Variants in TRERF1 observed in about 807,000 individuals in gnomAD.
TRERF1 encodes transcriptional-regulating factor 1.
A neutral mutation model predicts 122.9 loss-of-function variants in TRERF1; 27 were observed. That is an observed-to-expected ratio of 0.22 (90% CI 0.16 to 0.30). TRERF1 has a LOEUF of 0.30. Among genes scored for constraint, TRERF1 ranks in the 10% least tolerant of loss-of-function variants. TRERF1 has a pLI of 1.00. For synonymous variants in TRERF1, 636 were observed against 641.7 expected (o/e 0.99, Z 0.13); for missense variants, 1,248 against 1,560.3 (o/e 0.80, Z 3.37).
intron 4 of TRERF1, among the ~76,000 whole-genome samples, chr6:42,295,062 C>T (rs1261514077): frequency 6.6e-6 from 1 of 152,142 alleles, no homozygotes; most frequent in Non-Finnish European, 1.5e-5. Context: ...TGCAAACAGG[C>T]TTGGCCACTC....
intron 1 of TRERF1, 116 bp from the exon 2 acceptor site, chr6:42,451,377 C>G (rs1471590512): frequency 6.6e-6 from 1 of 152,472 alleles, no homozygotes; most frequent in Non-Finnish European, 1.5e-5. Context: ...ACATACTCCC[C>G]AGATGCAAGC....
chr6:42,286,457 C>T (rs1453120087), intron 4 of TRERF1, among the ~76,000 whole-genome samples: 4 of 141,112 alleles, frequency 2.8e-5, no homozygotes. Flanking sequence ...AAAAAACAAA[C>T]AACCCCATCA....
At chr6:42,360,992 T>C (rs1771650304) in intron 3 of TRERF1, among the ~76,000 whole-genome samples, 1 of 152,088 alleles carries the variant, frequency 6.6e-6, no homozygotes, top group African/African-American at 2.4e-5. Flanking sequence ...AACTGATAAA[T>C]GGGAAACGAG....
chr6:42,259,341 G>C lies in TRERF1; in HGVS notation c.2267C>G (p.Ser756Cys). ...AGGACGCTAAAGGGGTGACTCACTGGAGCGACACAGCAGCACCCGTGGTGT... is the reference window on the plus strand; with the variant it reads ...AGGACGCTAAAGGGGTGACTCACTGCAGCGACACAGCAGCACCCGTGGTGT... The change falls in exon 9 of 18, where the codon TCC (serine) becomes TGC (cysteine). Residue 756 changes from serine to cysteine, a missense_variant and splice_region_variant. Coordinates refer to ENST00000372922, the Ensembl canonical transcript of TRERF1. This position sits in a 1 kb window ranked among gnomAD's most constrained non-coding sequence, Gnocchi z 4.9. The C allele has an allele frequency of 6.7e-7, 1 of 1,499,526 alleles. No individual in the cohort carries two copies. Among genetic ancestry groups the C allele is most frequent in the Non-Finnish European group, 8.8e-7 (1 of 1,134,504 alleles). 92.9% of individuals were successfully genotyped at this position (1,499,526 alleles called of 1,614,324 possible). A position where few individuals can be genotyped will look rare whatever the true frequency, so the allele number is the denominator to read the frequency against.
intron 3 of TRERF1, among the ~76,000 whole-genome samples, chr6:42,352,678 T>C (rs1248288394): frequency 6.6e-6 from 1 of 152,230 alleles, no homozygotes; most frequent in Non-Finnish European, 1.5e-5. Context: ...GTTAGAATCC[T>C]TTAATATGTA....
intron 2 of TRERF1, among the ~76,000 whole-genome samples, chr6:42,382,453 GGGTGGAAC>G (rs1776106543): frequency 6.7e-6 from 1 of 150,066 alleles, no homozygotes; most frequent in Non-Finnish European, 1.5e-5. Flanking sequence ...GAAGGCAGTA[GGGTGGAAC>G]CAGTGGTCAC....
At chr6:42,246,309 C>T (rs181691310) in intron 14 of TRERF1, 147 bp downstream of exon 14, 3 of 653,182 alleles carry the variant, frequency 4.6e-6, no homozygotes, top group Non-Finnish European at 8.0e-6. Flanking sequence ...CCATACCACC[C>T]CTATCTCCAC....
At chr6:42,333,059 G>C (rs1765512341) in intron 3 of TRERF1, among the ~76,000 whole-genome samples, 2 of 152,192 alleles carry the variant, frequency 1.3e-5, no homozygotes, top group Admixed American at 1.3e-4. Flanking sequence ...GAGGTTAATA[G>C]GGAAGTTGAG....
At chr6:42,418,162 T>G (rs1260353415) in intron 2 of TRERF1, among the ~76,000 whole-genome samples, 1 of 151,624 alleles carries the variant, frequency 6.6e-6, no homozygotes, top group African/African-American at 2.4e-5. Flanking sequence ...GACCAGAGGT[T>G]GGTTCGTTGG....
intron 2 of TRERF1, among the ~76,000 whole-genome samples, chr6:42,433,121 G>C (rs1784736703): frequency 6.6e-6 from 1 of 152,136 alleles, no homozygotes; most frequent in South Asian, 2.1e-4. Context: ...GCAGTGAGGT[G>C]AGCCATGTAT....
chr6:42,376,365 C>T (rs1774860304), intron 2 of TRERF1, among the ~76,000 whole-genome samples: 1 of 151,994 alleles, frequency 6.6e-6, no homozygotes, highest in Admixed American at 6.6e-5. Flanking sequence ...GGAAAACAGG[C>T]TTTGCGTGAG....
chr6:42,263,179 T>G lies in TRERF1; in HGVS notation c.1884+141A>C, dbSNP rs552654051. On this transcript the variant is annotated intron_variant, in intron 8 of 17. Transcript: ENST00000372922. This position sits in a 1 kb window ranked among gnomAD's most constrained non-coding sequence, Gnocchi z 5.6. ...CAAGCCGTATCCAAGCTCAGGTCAGTGACTCTGGAAGGGCCGCCCCATCTC... is the reference window on the plus strand; with the variant it reads ...CAAGCCGTATCCAAGCTCAGGTCAGGGACTCTGGAAGGGCCGCCCCATCTC... 4.9e-6 allele frequency: 7 copies of G among 1,428,474 alleles called. No individual in the cohort carries two copies. In the East Asian group the frequency reaches 1.8e-4, roughly 36 times the overall value. 88.5% of individuals were successfully genotyped at this position (1,428,474 alleles called of 1,614,324 possible).
rs570693535 is a variant in TRERF1 at position 42,326,228 on chromosome 6, G to A, written c.-370-25479C>T. 1.0e-4 allele frequency among the ~76,000 whole-genome samples: 15 copies of A among 149,218 alleles called. No individual in the cohort carries two copies. In the East Asian group the frequency reaches 2.1e-3, roughly 21 times the overall value. On this transcript the variant is annotated intron_variant, in intron 3 of 17. Coordinates refer to ENST00000372922, the Ensembl canonical transcript of TRERF1. ...TGGCCAGGTGACTGGCTTGCCAGTTGGCTGGCTGGATGGAAGGGGTGACAG... is the reference window on the plus strand; with the variant it reads ...TGGCCAGGTGACTGGCTTGCCAGTTAGCTGGCTGGATGGAAGGGGTGACAG...
chr6:42,343,570 C>T (rs1447920238), intron 3 of TRERF1, among the ~76,000 whole-genome samples: 1 of 152,154 alleles, frequency 6.6e-6, no homozygotes. Flanking sequence ...CACTGGTCCT[C>T]CCAACCCCCT....
In TRERF1 at chr6:42,263,422, C is replaced by T. The variant is rs748386453; in HGVS notation, c.1782G>A (p.Pro594=). ...TGAACCCCTGAGAGCTGGGCTTGGG[C>T]GGGAGAAGCTTGACAGGGACAGACA... Residue 594 remains proline (P), a synonymous_variant, in exon 8 of 18, where the codon CCG becomes CCA. Coordinates refer to ENST00000372922, the Ensembl canonical transcript of TRERF1. The surrounding 1 kb of genome is among the most constrained non-coding windows in gnomAD (Gnocchi z 5.6). 1.6e-5 allele frequency: 26 copies of T among 1,610,760 alleles called. No homozygotes were observed. Among genetic ancestry groups the T allele is most frequent in the Middle Eastern group, 1.6e-4 (1 of 6,068 alleles).
intron 3 of TRERF1, among the ~76,000 whole-genome samples, chr6:42,345,374 G>C (rs960597368): frequency 1.3e-5 from 2 of 152,154 alleles, no homozygotes; most frequent in African/African-American, 4.8e-5. Flanking sequence ...CAGAGGACCC[G>C]AGCAAGAGGT....
chr6:42,256,877 T>G (rs1345292187), intron 11 of TRERF1, 46 bp from the exon 12 acceptor site: 1 of 1,612,994 alleles, frequency 6.2e-7, no homozygotes, highest in South Asian at 1.1e-5. Flanking sequence ...GAGCTGAGTG[T>G]AATGGAAAAC....
chr6:42,444,940 A>G (rs1787201892), intron 2 of TRERF1, among the ~76,000 whole-genome samples: 1 of 152,112 alleles, frequency 6.6e-6, no homozygotes, highest in South Asian at 2.1e-4. Flanking sequence ...CACTCCACTG[A>G]AACTGTTCTT....
At chr6:42,309,395 ATCTG>A (rs1178533098) in intron 3 of TRERF1, among the ~76,000 whole-genome samples, 2 of 152,214 alleles carry the variant, frequency 1.3e-5, no homozygotes, top group Non-Finnish European at 2.9e-5. Context: ...TCAAATCAGT[ATCTG>A]TCTGACTCCA....
Sources: allele counts gnomAD v4.1 joint callset (sites outside exome capture counted in the v4.1 genomes callset), GRCh38; gene constraint gnomAD v4.1.1; non-coding constraint Gnocchi (gnomAD v3.1); transcripts MANE v1.5; gene names NCBI Gene and HGNC (gene_info 2026-07-23, HGNC 2026-07-21).